The following CHRNG variants were observed in gnomAD, a reference collection of about 807,000 sequenced individuals.
CHRNG encodes the protein acetylcholine receptor subunit gamma.
Under a neutral mutation model 65.2 loss-of-function variants are expected in CHRNG, and 72 were observed. That is an observed-to-expected ratio of 1.10 (90% CI 0.91 to 1.34). CHRNG has a LOEUF of 1.34. Ranked by LOEUF, CHRNG falls within the 40% of genes most tolerant of loss-of-function variation. CHRNG has a pLI of 0.00. For missense variants in CHRNG, 637 were observed against 680.1 expected (o/e 0.94, Z 0.70); for synonymous variants, 284 against 290.2 (o/e 0.98, Z 0.22).
chr2:232,543,694 C>G lies in CHRNG; in HGVS notation c.1030C>G (p.Arg344Gly), dbSNP rs554907332. ...PHTHSMARGVRKVFLRLLPQL... is the reference protein window; with the variant it reads ...PHTHSMARGVGKVFLRLLPQL... ...CACACACTCCATGGCCCGAGGGGTCCGCAAGGCAAGGACCCTCCCTGCCCA... is the reference window on the plus strand; with the variant it reads ...CACACACTCCATGGCCCGAGGGGTCGGCAAGGCAAGGACCCTCCCTGCCCA... The change falls in exon 9 of 12, where the codon CGC (arginine) becomes GGC (glycine). Residue 344 changes from arginine to glycine, a missense_variant. By Grantham distance (125) the Arg-to-Gly change is moderately radical. Transcript: ENST00000651502. 2 of 1,602,906 alleles carry G rather than the reference C, an allele frequency of 1.2e-6. No homozygotes were observed. Among genetic ancestry groups the G allele is most frequent in the African/African-American group, 2.7e-5 (2 of 74,786 alleles).
At position 232,543,693 on chromosome 2, in the gene CHRNG, C is replaced by G. The variant is rs756205168; in HGVS notation, c.1029C>G (p.Val343=). 6.2e-7 allele frequency: 1 copy of G among 1,604,566 alleles called. No individual in the cohort carries two copies. Among genetic ancestry groups the G allele is most frequent in the Non-Finnish European group, 8.5e-7 (1 of 1,171,562 alleles). Residue 343 remains valine (V), a synonymous_variant, in exon 9 of 12, where the codon GTC becomes GTG. Coordinates refer to ENST00000651502, the MANE Select transcript of CHRNG (RefSeq NM_005199.5). ...SPHTHSMARG[V]RKVFLRLLPQ... Reference sequence around the variant, plus strand: ...ACACACACTCCATGGCCCGAGGGGTCCGCAAGGCAAGGACCCTCCCTGCCC... The same window carrying G: ...ACACACACTCCATGGCCCGAGGGGTGCGCAAGGCAAGGACCCTCCCTGCCC...
rs1008025512 is a variant in CHRNG, at chr2:232,546,453, T to C, written c.*737T>C. 2 of 152,806 alleles carry C rather than the reference T, an allele frequency of 1.3e-5. No homozygotes were observed. The highest frequency in any genetic ancestry group is 2.4e-5 in the African/African-American group (1 of 41,296). 9.5% of individuals were successfully genotyped at this position (152,806 alleles called of 1,614,324 possible). Reference sequence around the variant, plus strand: ...GCCTCAACCTCCAGGGCTCAAGCAATGCTCCTGCCTCAGCCTCCCAAGTAG... The same window carrying C: ...GCCTCAACCTCCAGGGCTCAAGCAACGCTCCTGCCTCAGCCTCCCAAGTAG... On this transcript the variant is annotated 3_prime_UTR_variant, in exon 12 of 12. Coordinates refer to ENST00000651502, the MANE Select transcript of CHRNG (RefSeq NM_005199.5).
rs1691989034 is a variant in CHRNG at position 232,540,252 on chromosome 2, G to A, written c.195+121G>A. ...CCTAAATCGGACAGGCTGGGGTCTG[G>A]AAAACCCCCATGGTTGTGGGGGGAG... is the stretch of plus-strand genomic sequence containing the variant. On this transcript the variant is annotated intron_variant, in intron 2 of 11. Transcript: ENST00000651502. The surrounding 1 kb of genome is among the most constrained non-coding windows in gnomAD (Gnocchi z 4.2). 3 of 1,598,750 alleles carry A rather than the reference G, an allele frequency of 1.9e-6. No homozygotes were observed. The highest frequency in any genetic ancestry group is 2.6e-6 in the Non-Finnish European group (3 of 1,166,790).
rs1691990265 is a variant in CHRNG at position 232,540,293 on chromosome 2, G to A, written c.196-88G>A. 6.2e-7 allele frequency: 1 copy of A among 1,601,300 alleles called. No homozygotes were observed. The highest frequency in any genetic ancestry group is 8.6e-7 in the Non-Finnish European group (1 of 1,168,638). ...GTGGGGGGAGTACTATCAAGAGGCT[G>A]GGGGATGCTTGGCCCCATTGGTGGC... On this transcript the variant is annotated intron_variant, in intron 2 of 11. Transcript: ENST00000651502. This position sits in a 1 kb window ranked among gnomAD's most constrained non-coding sequence, Gnocchi z 4.2.
In CHRNG at chr2:232,541,424, CT is replaced by C. The variant is rs768867302; in HGVS notation, c.402del (p.Asp135ThrfsTer48). 7 of 1,613,862 alleles carry C rather than the reference CT, an allele frequency of 4.3e-6. No individual in the cohort carries two copies. In the African/African-American group the frequency reaches 8.0e-5, roughly 18 times the overall value. On this transcript the variant is annotated frameshift_variant, in exon 5 of 12. Transcript: ENST00000651502. LOFTEE classifies it high-confidence loss of function. The surrounding 1 kb of genome is among the most constrained non-coding windows in gnomAD (Gnocchi z 4.0). ...VALYCNVLVS[P>X]DGCIYWLPPA... ...CTCTACTGCAATGTGCTCGTGTCCC[CT>C]GACGGCTGTATCTACTGGCTGCCGC...
In CHRNG at chr2:232,545,349, A is replaced by G. The variant is rs1303275063; in HGVS notation, c.1381-194A>G. Among the ~76,000 whole-genome samples, 5 of 143,910 alleles carry G rather than the reference A, an allele frequency of 3.5e-5. No homozygotes were observed. The Admixed American group carries it at 3.7e-4, about 11-fold the overall frequency. The allele number at this position is 143,910 out of a possible 152,430, so 94.4% of individuals were successfully genotyped here. A position where few individuals can be genotyped will look rare whatever the true frequency, so the allele number is the denominator to read the frequency against. Reference sequence around the variant, plus strand: ...AAAAAAAAAGGAAAGAAAGAAAGAAAAAGGAACAGGGGCAGGGGGGGCACC... The same window carrying G: ...AAAAAAAAAGGAAAGAAAGAAAGAAGAAGGAACAGGGGCAGGGGGGGCACC... On this transcript the variant is annotated intron_variant, in intron 11 of 11. Transcript: ENST00000651502.
intron 8 of CHRNG, 87 bp downstream of exon 8, chr2:232,543,476 A>C (rs1271509580): frequency 2.2e-5 from 26 of 1,173,502 alleles, no homozygotes; most frequent in Non-Finnish European, 2.8e-5. Flanking sequence ...CTTGCCCTCC[A>C]TCCACCCCCC....
chr2:232,542,433 TAC>T lies in CHRNG; in HGVS notation c.519_520del (p.Tyr173Ter). Reference sequence around the variant, plus strand: ...CTCGGTGACTCCCAGGTCCCAGACTTACAGCACCAATGAGATTGATCTGCAGC... The same window carrying T: ...CTCGGTGACTCCCAGGTCCCAGACTTAGCACCAATGAGATTGATCTGCAGC... ...NCSLIFQSQT[Y>X]STNEIDLQLS... is the part of the protein sequence containing the mutation. On this transcript the variant is annotated frameshift_variant, in exon 6 of 12. Coordinates refer to ENST00000651502, the MANE Select transcript of CHRNG (RefSeq NM_005199.5). LOFTEE classifies it high-confidence loss of function. 2 of 1,613,314 alleles carry T rather than the reference TAC, an allele frequency of 1.2e-6. No homozygotes were observed. The highest frequency in any genetic ancestry group is 1.7e-6 in the Non-Finnish European group (2 of 1,179,324).
intron 11 of CHRNG, 66 bp from the exon 12 acceptor site, chr2:232,545,477 G>T: frequency 7.0e-7 from 1 of 1,432,238 alleles, no homozygotes; most frequent in East Asian, 2.4e-5. Flanking sequence ...GCCCAAGGAT[G>T]AGAACAGGAC....
intron 8 of CHRNG, 75 bp from the exon 9 acceptor site, chr2:232,543,509 GA>G (rs377456701): frequency 1.8e-6 from 2 of 1,118,836 alleles, no homozygotes; most frequent in Non-Finnish European, 2.5e-6. Context: ...CAGGAGGCCT[GA>G]GGGGGGGCAG....
At chr2:232,542,800 C>T in intron 6 of CHRNG, 82 bp from the exon 7 acceptor site, 2 of 1,292,510 alleles carry the variant, frequency 1.5e-6, no homozygotes, top group Non-Finnish European at 2.2e-6. Context: ...ACATGCTGCC[C>T]TTGCAGCTGG....
chr2:232,541,568 T>A lies in CHRNG; in HGVS notation c.506+39T>A, dbSNP rs758219115. ...TTGGGGAGGATTAAGAGAGCTGCTC[T>A]CAGAGGGGCCTGGGCAGTGGTGGGG... On this transcript the variant is annotated intron_variant, in intron 5 of 11. Coordinates refer to ENST00000651502, the MANE Select transcript of CHRNG (RefSeq NM_005199.5). This position sits in a 1 kb window ranked among gnomAD's most constrained non-coding sequence, Gnocchi z 4.0. 1 of 1,608,786 alleles carries A rather than the reference T, an allele frequency of 6.2e-7. No individual in the cohort carries two copies. Among genetic ancestry groups the A allele is most frequent in the East Asian group, 2.2e-5 (1 of 44,874 alleles).
Position 232,542,900 on chromosome 2 carries a change from T to A in CHRNG, c.623T>A (p.Ile208Asn). 1.2e-6 allele frequency: 2 copies of A among 1,613,860 alleles called. No individual in the cohort carries two copies. Among genetic ancestry groups the A allele is most frequent in the Non-Finnish European group, 1.7e-6 (2 of 1,180,010 alleles). ...EAFTENGEWA[I>N]QHRPAKMLLD... ...CCCGCAGAGAATGGGGAGTGGGCCATCCAGCACCGACCAGCCAAGATGCTC... is the reference window on the plus strand; with the variant it reads ...CCCGCAGAGAATGGGGAGTGGGCCAACCAGCACCGACCAGCCAAGATGCTC... The change falls in exon 7 of 12, where the codon ATC becomes AAC. Residue 208 changes from isoleucine to asparagine, a missense_variant. Coordinates refer to ENST00000651502, the MANE Select transcript of CHRNG (RefSeq NM_005199.5).
rs140175279 is a variant in CHRNG, at chr2:232,543,739, A to T, written c.1035+40A>T. ...TGCCCACTTCAACATCCCGCTGCCC[A>T]CTCCCCTACGCCTCCCTCTCGCACG... On this transcript the variant is annotated intron_variant, in intron 9 of 11. Coordinates refer to ENST00000651502, the MANE Select transcript of CHRNG (RefSeq NM_005199.5). The T allele has an allele frequency of 3.2e-3, 3,923 of 1,232,944 alleles. 20 individuals are homozygous for T. The highest frequency in any genetic ancestry group is 0.011 in the Middle Eastern group (61 of 5,336). The allele number at this position is 1,232,944 out of a possible 1,614,324, so 76.4% of individuals were successfully genotyped here.
At chr2:232,543,445 G>C (rs543349892) in intron 8 of CHRNG, 56 bp downstream of exon 8, 50 of 1,385,230 alleles carry the variant, frequency 3.6e-5, no homozygotes, top group Middle Eastern at 3.5e-4. Flanking sequence ...TTGGGAGCAT[G>C]ATGGCCTCCT....
At position 232,544,585 on chromosome 2, in the gene CHRNG, GAC is replaced by G. The variant is rs771519205; in HGVS notation, c.1249+10_1249+11del. On this transcript the variant is annotated splice_donor_region_variant and intron_variant, in intron 10 of 11. Coordinates refer to ENST00000651502, the MANE Select transcript of CHRNG (RefSeq NM_005199.5). The stretch of plus-strand genomic sequence containing the variant: ...CGGCAGCGCTGGAGAAGCTAGGTGA[GAC>G]ACACCAGGTGTGCCTGGGGACAGTC... The G allele has an allele frequency of 6.2e-7, 1 of 1,611,034 alleles. No homozygotes were observed. The highest frequency in any genetic ancestry group is 1.1e-5 in the South Asian group (1 of 91,012).
At chr2:232,544,626 C>A in intron 10 of CHRNG, 46 bp downstream of exon 10, 1 of 1,581,546 alleles carries the variant, frequency 6.3e-7, no homozygotes, top group South Asian at 1.1e-5. Context: ...CCCTGGGACC[C>A]CAGCTGGGGA....
chr2:232,545,297 G>C (rs1692103710), intron 11 of CHRNG, among the ~76,000 whole-genome samples: 1 of 150,072 alleles, frequency 6.7e-6, no homozygotes, highest in Non-Finnish European at 1.5e-5. Flanking sequence ...GGGTGAAAGA[G>C]TGAGACGTGA....
At position 232,540,506 on chromosome 2, in the gene CHRNG, G is replaced by C; in HGVS notation, c.240+81G>C. 1.9e-6 allele frequency: 3 copies of C among 1,601,046 alleles called. No individual in the cohort carries two copies. Among genetic ancestry groups the C allele is most frequent in the Non-Finnish European group, 2.6e-6 (3 of 1,173,236 alleles). ...AGGCCTCCTGAGAGTTGCCTGCCCC[G>C]TTCCTGCCTCTTCTGTCCTCTTGGG... is the stretch of plus-strand genomic sequence containing the variant. On this transcript the variant is annotated intron_variant, in intron 3 of 11. Coordinates refer to ENST00000651502, the MANE Select transcript of CHRNG (RefSeq NM_005199.5). This position sits in a 1 kb window ranked among gnomAD's most constrained non-coding sequence, Gnocchi z 4.2.
Sources: allele counts gnomAD v4.1 joint callset (sites outside exome capture counted in the v4.1 genomes callset), GRCh38; gene constraint gnomAD v4.1.1; non-coding constraint Gnocchi (gnomAD v3.1); transcripts MANE v1.5; gene names NCBI Gene and HGNC (gene_info 2026-07-23, HGNC 2026-07-21).